TAB2: variants seen among roughly 807,000 people sequenced by gnomAD.
TAB2 encodes TGF-beta-activated kinase 1 and MAP3K7-binding protein 2.
In TAB2, 3 loss-of-function variants were observed where a neutral mutation model predicts 65.0. The ratio of observed to expected loss-of-function variants is 0.05; its 90% CI spans 0.02 to 0.12. TAB2 has a LOEUF of 0.12. Among genes scored for constraint, TAB2 ranks in the 10% least tolerant of loss-of-function variants. The pLI, the probability that TAB2 is intolerant of heterozygous loss-of-function variation, is 1.00. For synonymous variants in TAB2, 298 were observed against 285.1 expected (o/e 1.05, Z -0.46); for missense variants, 623 against 840.3 (o/e 0.74, Z 3.20).
intron 1 of TAB2, among the ~76,000 whole-genome samples, chr6:149,254,905 C>T (rs1734407603): frequency 6.6e-6 from 1 of 152,170 alleles, no homozygotes. Context: ...AATGTAACTA[C>T]CGTATCTAAT....
chr6:149,297,058 CTA>C (rs369899908), intron 1 of TAB2, among the ~76,000 whole-genome samples: 1,705 of 150,110 alleles, frequency 0.011, 29 homozygotes, highest in African/African-American at 0.038. Flanking sequence ...TTCATCCTCT[CTA>C]TCTCTCTCTC....
Position 149,343,658 on chromosome 6 carries a change from G to A in TAB2, c.-90+25643G>A, listed in dbSNP as rs775900354. 2.4e-4 allele frequency among the ~76,000 whole-genome samples: 36 copies of A among 152,220 alleles called. 1 individual carries two copies. The Middle Eastern group carries it at 0.024, about 101-fold the overall frequency. ...TACCCAAAAGAAACCAGCCAAGGAAGTTACAAATAGTCAGAGTCATCCTGG... is the reference window on the plus strand; with the variant it reads ...TACCCAAAAGAAACCAGCCAAGGAAATTACAAATAGTCAGAGTCATCCTGG... On this transcript the variant is annotated intron_variant, in intron 1 of 6. Transcript: ENST00000637181.
intron 1 of TAB2, among the ~76,000 whole-genome samples, chr6:149,258,927 G>T (rs1003787614): frequency 2.6e-5 from 4 of 152,302 alleles, no homozygotes; most frequent in African/African-American, 9.6e-5. Context: ...TATGGGATGT[G>T]AATAAGGTTC....
At chr6:149,222,607 G>C (rs936788943) in intron 1 of TAB2, among the ~76,000 whole-genome samples, 1 of 137,832 alleles carries the variant, frequency 7.3e-6, no homozygotes, top group Non-Finnish European at 1.5e-5. Flanking sequence ...AACAGAGCGA[G>C]ACTCTGTCTC....
At chr6:149,333,301 T>C (rs1779835522) in intron 1 of TAB2, among the ~76,000 whole-genome samples, 1 of 152,214 alleles carries the variant, frequency 6.6e-6, no homozygotes, top group South Asian at 2.1e-4. Context: ...CCAAGATTAG[T>C]GAGGCGTACA....
At chr6:149,339,553 C>G (rs895274460) in intron 1 of TAB2, among the ~76,000 whole-genome samples, 1 of 150,918 alleles carries the variant, frequency 6.6e-6, no homozygotes, top group African/African-American at 2.4e-5. Flanking sequence ...TGTTTTTTAA[C>G]AGGAAAGAAG....
intron 1 of TAB2, among the ~76,000 whole-genome samples, chr6:149,259,334 TACACACACACACAC>T (rs61261942): frequency 1.8e-3 from 260 of 146,030 alleles, no homozygotes; most frequent in African/African-American, 5.7e-3. Context: ...ACGCTCCCTC[TACACACACACACAC>T]ACACACACAC....
intron 1 of TAB2, among the ~76,000 whole-genome samples, chr6:149,230,380 GCT>G (rs1777378462): frequency 6.6e-6 from 1 of 152,160 alleles, no homozygotes; most frequent in African/African-American, 2.4e-5. Context: ...ACACCCCTAA[GCT>G]CCACAAGTCT....
intron 3 of TAB2, among the ~76,000 whole-genome samples, chr6:149,381,313 T>C (rs1781599107): frequency 6.6e-6 from 1 of 152,228 alleles, no homozygotes; most frequent in Non-Finnish European, 1.5e-5. Context: ...TATTATTTTT[T>C]CCACTTACAA....
intron 1 of TAB2, among the ~76,000 whole-genome samples, chr6:149,357,792 C>G (rs1780713458): frequency 6.6e-6 from 1 of 151,912 alleles, no homozygotes; most frequent in African/African-American, 2.4e-5. Flanking sequence ...CTCCATCTCC[C>G]AGGTTCAAGC....
chr6:149,365,251 A>G (rs1364552372), intron 1 of TAB2, among the ~76,000 whole-genome samples: 2 of 152,192 alleles, frequency 1.3e-5, no homozygotes, highest in African/African-American at 4.8e-5. Flanking sequence ...TAAATTTATA[A>G]GATATTTCTT....
chr6:149,402,613 C>T (rs1055172293), intron 6 of TAB2, among the ~76,000 whole-genome samples: 4 of 152,224 alleles, frequency 2.6e-5, no homozygotes, highest in Non-Finnish European at 5.9e-5. Flanking sequence ...AGGGGGAACA[C>T]TTCCAAACTC....
chr6:149,394,849 G>A (rs747852417), intron 3 of TAB2, among the ~76,000 whole-genome samples: 3 of 152,154 alleles, frequency 2.0e-5, no homozygotes, highest in Non-Finnish European at 4.4e-5. Flanking sequence ...TCTGGTAGAG[G>A]GCCAGATAGT....
At chr6:149,355,928 T>G (rs898026946) in intron 1 of TAB2, among the ~76,000 whole-genome samples, 5 of 152,150 alleles carry the variant, frequency 3.3e-5, no homozygotes, top group South Asian at 2.1e-4. Flanking sequence ...TAACTTTAAG[T>G]AACAGCATTT....
At chr6:149,306,372 C>A (rs1233430096) in intron 1 of TAB2, among the ~76,000 whole-genome samples, 11 of 151,336 alleles carry the variant, frequency 7.3e-5, no homozygotes, top group African/African-American at 2.7e-4. Context: ...AACCCCGTCT[C>A]CACTAAAAAA....
At chr6:149,230,458 TG>T (rs1236492008) in intron 1 of TAB2, among the ~76,000 whole-genome samples, 5 of 152,224 alleles carry the variant, frequency 3.3e-5, no homozygotes, top group African/African-American at 1.2e-4. Context: ...CATTCATCAG[TG>T]GGGCTTGAGT....
intron 6 of TAB2, among the ~76,000 whole-genome samples, chr6:149,404,062 C>T (rs1342285220): frequency 6.6e-6 from 1 of 152,108 alleles, no homozygotes; most frequent in African/African-American, 2.4e-5. Flanking sequence ...GCGACATGAT[C>T]ATATATGTTG....
At chr6:149,331,347 A>G (rs1779776907) in intron 1 of TAB2, among the ~76,000 whole-genome samples, 1 of 152,010 alleles carries the variant, frequency 6.6e-6, no homozygotes, top group African/African-American at 2.4e-5. Context: ...TTTAATTCTG[A>G]TTTCCAATTG....
chr6:149,374,002 C>G (rs916372384), intron 2 of TAB2, among the ~76,000 whole-genome samples: 1 of 152,140 alleles, frequency 6.6e-6, no homozygotes, highest in African/African-American at 2.4e-5. Flanking sequence ...ATGACCAAAA[C>G]TGATTGAAAC....
Sources: allele counts gnomAD v4.1 joint callset (sites outside exome capture counted in the v4.1 genomes callset), GRCh38; gene constraint gnomAD v4.1.1; transcripts MANE v1.5; gene names NCBI Gene and HGNC (gene_info 2026-07-23, HGNC 2026-07-21).